Variants in ABLIM3 observed in about 807,000 individuals in gnomAD.
ABLIM3 encodes actin-binding LIM protein 3.
In ABLIM3, 61 loss-of-function variants were observed where a neutral mutation model predicts 109.5. That is an observed-to-expected ratio of 0.56 (90% CI 0.45 to 0.69). The LOEUF (loss-of-function observed/expected upper bound fraction) is 0.69, where lower values mean the gene tolerates loss of function less well. Ranked by LOEUF, ABLIM3 falls within the 30% of genes least tolerant of loss-of-function variation. The probability of loss-of-function intolerance (pLI) is 0.00; values close to 1 mark genes in which losing one functional copy is unlikely to be tolerated. For synonymous variants in ABLIM3, 300 were observed against 324.8 expected (o/e 0.92, Z 0.82); for missense variants, 796 against 889.5 (o/e 0.89, Z 1.34).
chr5:149,243,039 G>C (rs1050095191), intron 15 of ABLIM3, among the ~76,000 whole-genome samples: 8 of 152,194 alleles, frequency 5.3e-5, no homozygotes, highest in Non-Finnish European at 4.4e-5. Context: ...TCCTGAGAGT[G>C]GATGGAGACT....
At chr5:149,249,996 A>G in intron 19 of ABLIM3, 152 bp downstream of exon 19, 1 of 1,037,898 alleles carries the variant, frequency 9.6e-7, no homozygotes, top group Non-Finnish European at 1.4e-6. Context: ...TATTTGTCAG[A>G]TTGTGGGTCT....
At chr5:149,191,945 C>T (rs12109466) in intron 3 of ABLIM3, among the ~76,000 whole-genome samples, 7,591 of 152,236 alleles carry the variant, frequency 0.05, 576 homozygotes, top group African/African-American at 0.17. Flanking sequence ...GCAAGCTCCA[C>T]CTCCCAGGTT....
chr5:149,175,569 A>G (rs1755851112), intron 2 of ABLIM3, among the ~76,000 whole-genome samples: 1 of 152,126 alleles, frequency 6.6e-6, no homozygotes, highest in Non-Finnish European at 1.5e-5. Context: ...TGCTGAGCCC[A>G]CGGACACAGG....
At chr5:149,252,723 A>T in intron 22 of ABLIM3, 34 bp from the exon 23 acceptor site, 2 of 1,555,344 alleles carry the variant, frequency 1.3e-6, no homozygotes, top group Non-Finnish European at 1.8e-6. Context: ...CACCACCCTC[A>T]CCCAAGCTGG....
At chr5:149,231,622 T>A (rs1761867985) in intron 9 of ABLIM3, among the ~76,000 whole-genome samples, 1 of 152,218 alleles carries the variant, frequency 6.6e-6, no homozygotes, top group Non-Finnish European at 1.5e-5. Flanking sequence ...TGATGCATAA[T>A]TATGTTTTAA....
At chr5:149,167,631 G>C (rs1402488391) in intron 2 of ABLIM3, among the ~76,000 whole-genome samples, 1 of 152,108 alleles carries the variant, frequency 6.6e-6, no homozygotes, top group East Asian at 1.9e-4. Flanking sequence ...TTTTTTAAAT[G>C]TTTCTTGTAA....
At chr5:149,221,924 G>A (rs1213830613) in intron 8 of ABLIM3, among the ~76,000 whole-genome samples, 1 of 152,110 alleles carries the variant, frequency 6.6e-6, no homozygotes, top group Non-Finnish European at 1.5e-5. Flanking sequence ...TCTAAGACCT[G>A]AGACAATAAC....
In ABLIM3 at chr5:149,253,045, GCCCCATGCTGTTCCCCCAAAACTT is replaced by G. The variant is rs1283656946; in HGVS notation, c.1938+225_1938+248del. On this transcript the variant is annotated intron_variant, in intron 23 of 23. Transcript: ENST00000309868. ...TGTCCCATGCTGTTCCCCCAAAACTGCCCCATGCTGTTCCCCCAAAACTTCCCCATGCTGTTCCCCAAAACTTCC... is the reference window on the plus strand; with the variant it reads ...TGTCCCATGCTGTTCCCCCAAAACTGCCCCATGCTGTTCCCCAAAACTTCC... Among the ~76,000 whole-genome samples the G allele has an allele frequency of 2.8e-4, 42 of 150,296 alleles. No homozygotes were observed. In the South Asian group the frequency reaches 3.6e-3, roughly 13 times the overall value.
intron 7 of ABLIM3, among the ~76,000 whole-genome samples, chr5:149,213,445 C>G (rs960100882): frequency 1.3e-5 from 2 of 152,136 alleles, no homozygotes; most frequent in East Asian, 3.8e-4. Context: ...TGAAGGACTG[C>G]GTGGGCTGCG....
chr5:149,207,243 T>C, intron 6 of ABLIM3, 109 bp downstream of exon 6: 1 of 1,454,544 alleles, frequency 6.9e-7, no homozygotes. Context: ...CCTTTCCGTC[T>C]GCTGCTGCAT....
chr5:149,145,779 G>A (rs1010643099), intron 2 of ABLIM3, among the ~76,000 whole-genome samples: 15 of 143,694 alleles, frequency 1.0e-4, no homozygotes, highest in Admixed American at 7.7e-4. Flanking sequence ...ATATTTATTC[G>A]CCACGTGTAT....
At chr5:149,150,534 C>T (rs569185989) in intron 2 of ABLIM3, among the ~76,000 whole-genome samples, 5 of 152,244 alleles carry the variant, frequency 3.3e-5, no homozygotes, top group East Asian at 3.9e-4. Flanking sequence ...AAAATCACAA[C>T]GTGATTTCAA....
At chr5:149,247,496 T>C (rs1183845191) in intron 17 of ABLIM3, 2 of 564,776 alleles carry the variant, frequency 3.5e-6, no homozygotes, top group Admixed American at 2.5e-5. Context: ...TATCTGCCCA[T>C]TGTTGAATCA....
At chr5:149,165,488 G>C (rs1754738690) in intron 2 of ABLIM3, among the ~76,000 whole-genome samples, 1 of 152,124 alleles carries the variant, frequency 6.6e-6, no homozygotes. Flanking sequence ...TTAAGACTTT[G>C]TATTAGTAAG....
intron 19 of ABLIM3, among the ~76,000 whole-genome samples, chr5:149,250,188 A>G (rs567459363): frequency 6.6e-6 from 1 of 152,276 alleles, no homozygotes; most frequent in South Asian, 2.1e-4. Context: ...TCACAAGAAG[A>G]TAGAGATGTG....
chr5:149,252,102 C>A, intron 21 of ABLIM3, 99 bp from the exon 22 acceptor site: 2 of 1,399,406 alleles, frequency 1.4e-6, no homozygotes, highest in Non-Finnish European at 9.9e-7. Context: ...ACAATAGAGG[C>A]CAGACCCCCT....
At chr5:149,204,857 C>G (rs941536519) in intron 5 of ABLIM3, among the ~76,000 whole-genome samples, 1 of 152,204 alleles carries the variant, frequency 6.6e-6, no homozygotes, top group Non-Finnish European at 1.5e-5. Context: ...CTAACCACTG[C>G]GCTGTACTCT....
chr5:149,212,418 A>G (rs140886875), intron 7 of ABLIM3, among the ~76,000 whole-genome samples: 9 of 152,218 alleles, frequency 5.9e-5, no homozygotes, highest in Non-Finnish European at 1.0e-4. Flanking sequence ...CTGGGAAGGA[A>G]CGTCCTGGTT....
At chr5:149,232,347 T>C (rs1045682257) in intron 9 of ABLIM3, among the ~76,000 whole-genome samples, 1 of 151,596 alleles carries the variant, frequency 6.6e-6, no homozygotes, top group Non-Finnish European at 1.5e-5. Context: ...GTTGAGAGAG[T>C]TGTTGAAAAG....
Sources: allele counts gnomAD v4.1 joint callset (sites outside exome capture counted in the v4.1 genomes callset), GRCh38; gene constraint gnomAD v4.1.1; transcripts MANE v1.5; gene names NCBI Gene and HGNC (gene_info 2026-07-23, HGNC 2026-07-21).